The following P3H2 variants were observed in gnomAD, a reference collection of about 807,000 sequenced individuals.
P3H2 encodes the protein leprecan-like 1.
In P3H2, 80 loss-of-function variants were observed where a neutral mutation model predicts 87.0. The observed-to-expected ratio is 0.92, with a 90% confidence interval of 0.77 to 1.11. The LOEUF is 1.11. Ranked by LOEUF, P3H2 falls within the 50% of genes least tolerant of loss-of-function variation. P3H2 has a pLI of 0.00. For missense variants in P3H2, 1,001 were observed against 923.9 expected (o/e 1.08, Z -1.08); for synonymous variants, 367 against 359.3 (o/e 1.02, Z -0.24).
intron 8 of P3H2, among the ~76,000 whole-genome samples, chr3:189,977,746 A>C (rs116633706): frequency 0.015 from 2,319 of 150,142 alleles, 56 homozygotes; most frequent in African/African-American, 0.054. Flanking sequence ...GACTATAGGC[A>C]CGCACCACCA....
chr3:190,079,341 A>T (rs866643681), intron 1 of P3H2, among the ~76,000 whole-genome samples: 5 of 142,038 alleles, frequency 3.5e-5, no homozygotes, highest in South Asian at 2.3e-4. Flanking sequence ...TCTGTCTCAA[A>T]AAATAAATAA....
intron 3 of P3H2, among the ~76,000 whole-genome samples, chr3:189,993,892 T>C (rs1723957407): frequency 6.6e-6 from 1 of 152,066 alleles, no homozygotes; most frequent in African/African-American, 2.4e-5. Flanking sequence ...AATATTTACA[T>C]AAGGACCTGA....
chr3:189,966,122 AAAAAGAAAGAAAG>A (rs1401017946), intron 13 of P3H2, among the ~76,000 whole-genome samples: 2 of 65,902 alleles, frequency 3.0e-5, no homozygotes, highest in Non-Finnish European at 3.1e-5. Flanking sequence ...AGAAAGAAAG[AAAAAGAAAGAAAG>A]AAAGAAAGAA....
intron 1 of P3H2, among the ~76,000 whole-genome samples, chr3:190,019,780 T>TAA (rs770165435): frequency 0.056 from 3,201 of 57,046 alleles, 413 homozygotes; most frequent in African/African-American, 0.14. Flanking sequence ...ACCTAGAAAT[T>TAA]AAAAAATATA....
intron 1 of P3H2, among the ~76,000 whole-genome samples, chr3:190,063,656 A>G (rs1726405175): frequency 6.6e-6 from 1 of 152,128 alleles, no homozygotes; most frequent in Non-Finnish European, 1.5e-5. Flanking sequence ...TGACATATAA[A>G]TGTGTGAAAG....
chr3:190,109,874 G>T, intron 1 of P3H2, among the ~76,000 whole-genome samples: 2 of 141,700 alleles, frequency 1.4e-5, no homozygotes, highest in Non-Finnish European at 3.0e-5. Flanking sequence ...TTTGACACAG[G>T]GTCTCGCTCT....
At position 190,094,774 on chromosome 3, in the gene P3H2, G is replaced by A. The variant is rs182768606; in HGVS notation, c.480+25478C>T. On this transcript the variant is annotated intron_variant, in intron 1 of 14. Transcript: ENST00000319332. ...AGCCAATACAGAGAAACATCCTTCT[G>A]TTCATCCTGTAAAGGAAGAGGACCA... is the stretch of plus-strand genomic sequence containing the variant. 1.9e-4 allele frequency among the ~76,000 whole-genome samples: 29 copies of A among 152,332 alleles called. No individual in the cohort carries two copies. In the East Asian group the frequency reaches 4.2e-3, roughly 22 times the overall value.
chr3:190,057,697 G>A (rs11716337), intron 1 of P3H2, among the ~76,000 whole-genome samples: 44,252 of 151,932 alleles, frequency 0.29, 6,588 homozygotes, highest in Middle Eastern at 0.36. Flanking sequence ...GATGTGGTGT[G>A]GCCTCTGTTT....
intron 1 of P3H2, among the ~76,000 whole-genome samples, chr3:190,095,337 T>TATATATATAC (rs2108988160): frequency 1.6e-5 from 2 of 128,562 alleles, no homozygotes; most frequent in South Asian, 4.9e-4. Context: ...TATATATATA[T>TATATATATAC]ATATATATAT....
chr3:189,962,783 A>T (rs1444766622), intron 14 of P3H2, among the ~76,000 whole-genome samples: 1 of 152,346 alleles, frequency 6.6e-6, no homozygotes, highest in Admixed American at 6.5e-5. Flanking sequence ...TGTAAGTTAG[A>T]TTTGATGGTG....
chr3:189,974,032 A>C, intron 9 of P3H2, 28 bp from the exon 10 acceptor site: 1 of 1,551,700 alleles, frequency 6.4e-7, no homozygotes, highest in Non-Finnish European at 8.9e-7. Flanking sequence ...AAGATACGTC[A>C]TCAATGATAA....
At chr3:190,114,189 ATT>A (rs199617611) in intron 1 of P3H2, among the ~76,000 whole-genome samples, 4 of 138,142 alleles carry the variant, frequency 2.9e-5, no homozygotes, top group Non-Finnish European at 4.6e-5. Flanking sequence ...TATTATTATT[ATT>A]TTTTTTTTTT....
At chr3:190,056,911 A>G (rs1485188845) in intron 1 of P3H2, among the ~76,000 whole-genome samples, 1 of 152,162 alleles carries the variant, frequency 6.6e-6, no homozygotes, top group Non-Finnish European at 1.5e-5. Flanking sequence ...CCAAGCCTCA[A>G]CTGTTCAAGT....
chr3:189,977,295 C>T (rs913890208), intron 8 of P3H2, among the ~76,000 whole-genome samples: 4 of 152,182 alleles, frequency 2.6e-5, no homozygotes, highest in African/African-American at 9.7e-5. Context: ...CAGTCTCTTG[C>T]CTTCTCCGCT....
intron 1 of P3H2, among the ~76,000 whole-genome samples, chr3:190,024,470 G>C (rs535586330): frequency 2.0e-5 from 3 of 147,446 alleles, no homozygotes; most frequent in Non-Finnish European, 4.5e-5. Context: ...TTGAACTGGG[G>C]AGGCAGAGGT....
intron 1 of P3H2, among the ~76,000 whole-genome samples, chr3:190,098,083 AT>A (rs1427017643): frequency 6.6e-6 from 1 of 152,240 alleles, no homozygotes; most frequent in Non-Finnish European, 1.5e-5. Flanking sequence ...TTTTTTAAAA[AT>A]GAAACAATTT....
intron 3 of P3H2, among the ~76,000 whole-genome samples, chr3:189,992,430 A>T (rs1183692100): frequency 6.6e-6 from 1 of 152,152 alleles, no homozygotes; most frequent in Non-Finnish European, 1.5e-5. Flanking sequence ...AAAGCACTGG[A>T]AGTTGGGGAG....
At chr3:190,026,343 T>C (rs991350631) in intron 1 of P3H2, among the ~76,000 whole-genome samples, 3 of 152,150 alleles carry the variant, frequency 2.0e-5, no homozygotes, top group Non-Finnish European at 4.4e-5. Context: ...CCCAGATGGT[T>C]AGGCATTCTA....
At chr3:190,042,002 T>C (rs1341323942) in intron 1 of P3H2, among the ~76,000 whole-genome samples, 1 of 152,216 alleles carries the variant, frequency 6.6e-6, no homozygotes, top group Non-Finnish European at 1.5e-5. Context: ...AATTCTTTAT[T>C]CTTAATGATT....
Sources: allele counts gnomAD v4.1 joint callset (sites outside exome capture counted in the v4.1 genomes callset), GRCh38; gene constraint gnomAD v4.1.1; transcripts MANE v1.5; gene names NCBI Gene and HGNC (gene_info 2026-07-23, HGNC 2026-07-21).